Variants in PCDH9 observed in about 807,000 individuals in gnomAD.
PCDH9 encodes the protein protocadherin 9.
A neutral mutation model predicts 70.6 loss-of-function variants in PCDH9; 24 were observed. That is an observed-to-expected ratio of 0.34 (90% confidence interval 0.25 to 0.48). The LOEUF (loss-of-function observed/expected upper bound fraction) is 0.48. Among genes scored for constraint, PCDH9 ranks in the 20% least tolerant of loss-of-function variants. The pLI is 0.99. For synonymous variants in PCDH9, 562 were observed against 558.5 expected (o/e 1.01, Z -0.09); for missense variants, 1,281 against 1,503.6 (o/e 0.85, Z 2.45).
At chr13:66,972,515 A>G (rs960802956) in intron 2 of PCDH9, among the ~76,000 whole-genome samples, 1 of 151,970 alleles carries the variant, frequency 6.6e-6, no homozygotes, top group African/African-American at 2.4e-5. Context: ...ATGTGTTTTC[A>G]GTCATTCCTC....
rs57735819 is a variant in PCDH9 at position 66,392,887 on chromosome 13, CTT to C, written c.3341-87861_3341-87860del. Among the ~76,000 whole-genome samples the C allele has an allele frequency of 2.6e-3, 337 of 130,600 alleles. 2 individuals carry two copies. Among genetic ancestry groups the C allele is most frequent in the African/African-American group, 8.6e-3 (310 of 36,118 alleles). 85.7% of individuals were successfully genotyped at this position (130,600 alleles called of 152,430 possible). A position where few individuals can be genotyped will look rare whatever the true frequency, so the allele number is the denominator to read the frequency against. The stretch of plus-strand genomic sequence containing the variant: ...AGTAGGGTAAAAACATGGGCATTTG[CTT>C]TTTTTTTTTTTTTTCTGAAGGTAAC... On this transcript the variant is annotated intron_variant, in intron 4 of 4. Coordinates refer to ENST00000377865, the MANE Select transcript of PCDH9 (RefSeq NM_203487.3).
At chr13:66,314,707 T>C (rs568004715) in intron 4 of PCDH9, among the ~76,000 whole-genome samples, 1 of 152,326 alleles carries the variant, frequency 6.6e-6, no homozygotes, top group Middle Eastern at 3.4e-3. Context: ...CGTTCTTGTA[T>C]ATGGCACACT....
At chr13:66,894,966 C>A (rs756279330) in intron 3 of PCDH9, among the ~76,000 whole-genome samples, 42 of 151,964 alleles carry the variant, frequency 2.8e-4, no homozygotes, top group Non-Finnish European at 4.3e-4. Flanking sequence ...TACCACCATG[C>A]CTGATGAATT....
intron 4 of PCDH9, among the ~76,000 whole-genome samples, chr13:66,478,512 G>A (rs1264980624): frequency 6.6e-6 from 1 of 152,200 alleles, no homozygotes; most frequent in Non-Finnish European, 1.5e-5. Flanking sequence ...CAAAGGGAAA[G>A]TTATTGAAGG....
chr13:66,744,184 C>T (rs544017826), intron 3 of PCDH9, among the ~76,000 whole-genome samples: 3 of 152,242 alleles, frequency 2.0e-5, no homozygotes, highest in South Asian at 4.2e-4. Context: ...CTTCTTTAAA[C>T]GATCAACAAT....
At chr13:66,363,330 T>C (rs1321008446) in intron 4 of PCDH9, among the ~76,000 whole-genome samples, 1 of 152,206 alleles carries the variant, frequency 6.6e-6, no homozygotes, top group African/African-American at 2.4e-5. Context: ...ATACAATATA[T>C]TCTCTTGTAT....
At chr13:67,111,806 C>T (rs542775319) in intron 2 of PCDH9, among the ~76,000 whole-genome samples, 28 of 152,134 alleles carry the variant, frequency 1.8e-4, no homozygotes, top group African/African-American at 6.7e-4. Flanking sequence ...TATTATGTAA[C>T]CTTCACTTCT....
At chr13:66,354,038 A>G (rs992816863) in intron 4 of PCDH9, among the ~76,000 whole-genome samples, 7 of 152,178 alleles carry the variant, frequency 4.6e-5, no homozygotes, top group Admixed American at 6.6e-5. Flanking sequence ...AGCTTTGATA[A>G]TATTTTAAAG....
chr13:67,225,108 GT>G, intron 2 of PCDH9: 3 of 1,274,208 alleles, frequency 2.4e-6, no homozygotes, highest in Non-Finnish European at 3.0e-6. Context: ...ATCAGGACAG[GT>G]TTTTTCTTCT....
chr13:66,331,723 C>T (rs1955944108), intron 4 of PCDH9, among the ~76,000 whole-genome samples: 1 of 152,078 alleles, frequency 6.6e-6, no homozygotes, highest in Non-Finnish European at 1.5e-5. Context: ...ACAGAGTATC[C>T]CCTTGAGGGT....
chr13:66,967,262 A>G (rs1044901143), intron 2 of PCDH9, among the ~76,000 whole-genome samples: 2 of 152,076 alleles, frequency 1.3e-5, no homozygotes, highest in African/African-American at 4.8e-5. Flanking sequence ...TCATTAATTG[A>G]CAGGTGGAAT....
chr13:67,064,105 A>C (rs561785988), intron 2 of PCDH9, among the ~76,000 whole-genome samples: 1 of 152,258 alleles, frequency 6.6e-6, no homozygotes, highest in South Asian at 2.1e-4. Context: ...AAAGTGCTGG[A>C]GACCTCTGTT....
At chr13:66,364,629 C>T (rs531472383) in intron 4 of PCDH9, among the ~76,000 whole-genome samples, 6 of 152,066 alleles carry the variant, frequency 3.9e-5, no homozygotes, top group Non-Finnish European at 5.9e-5. Context: ...TTTCTGACAG[C>T]TAGAAATACA....
chr13:66,441,735 GC>G (rs1957977648), intron 4 of PCDH9, among the ~76,000 whole-genome samples: 1 of 151,752 alleles, frequency 6.6e-6, no homozygotes, highest in African/African-American at 2.4e-5. Context: ...ATTTATTACA[GC>G]TTTTATTTTA....
intron 4 of PCDH9, among the ~76,000 whole-genome samples, chr13:66,325,481 A>G (rs1368441671): frequency 6.6e-6 from 1 of 152,060 alleles, no homozygotes; most frequent in Admixed American, 6.5e-5. Flanking sequence ...ACATTTGTGT[A>G]GAGTTAAACT....
rs562176354 is a variant in PCDH9 at position 66,829,717 on chromosome 13, C to CAAAAAAAAAAAAAAAAAAA, written c.3138+73768_3138+73786dup. Among the ~76,000 whole-genome samples the CAAAAAAAAAAAAAAAAAAA allele has an allele frequency of 3.2e-4, 17 of 53,126 alleles. 2 individuals carry two copies. Among genetic ancestry groups the CAAAAAAAAAAAAAAAAAAA allele is most frequent in the African/African-American group, 8.5e-4 (12 of 14,056 alleles). 34.9% of individuals were successfully genotyped at this position (53,126 alleles called of 152,430 possible). A position where few individuals can be genotyped will look rare whatever the true frequency, so the allele number is the denominator to read the frequency against. On this transcript the variant is annotated intron_variant, in intron 3 of 4. Transcript: ENST00000377865. Reference sequence around the variant, plus strand: ...TGGGCGACAGAGCGAGACTCCGTCTCAAAAAAAAAAAAAAAAAAAAAAAAA... The same window carrying CAAAAAAAAAAAAAAAAAAA: ...TGGGCGACAGAGCGAGACTCCGTCTCAAAAAAAAAAAAAAAAAAAAAAAAAAAAAAAAAAAAAAAAAAAA...
chr13:67,131,111 G>A (rs1446555382), intron 2 of PCDH9, among the ~76,000 whole-genome samples: 6 of 152,120 alleles, frequency 3.9e-5, no homozygotes, highest in Admixed American at 3.9e-4. Context: ...ATATTTACAC[G>A]TTTAACTCAA....
intron 4 of PCDH9, among the ~76,000 whole-genome samples, chr13:66,498,346 T>G (rs1959150785): frequency 6.6e-6 from 1 of 151,994 alleles, no homozygotes; most frequent in Non-Finnish European, 1.5e-5. Context: ...GGTTTCACCG[T>G]GTTAGCCAGG....
intron 3 of PCDH9, among the ~76,000 whole-genome samples, chr13:66,665,109 CTTTT>C (rs766181890): frequency 3.4e-5 from 1 of 29,158 alleles, no homozygotes; most frequent in African/African-American, 1.7e-4. Context: ...CTTTTCTCTC[CTTTT>C]TTTTTTTTTT....
Sources: allele counts gnomAD v4.1 joint callset (sites outside exome capture counted in the v4.1 genomes callset), GRCh38; gene constraint gnomAD v4.1.1; transcripts MANE v1.5; gene names NCBI Gene and HGNC (gene_info 2026-07-23, HGNC 2026-07-21).